ZNF570: variants seen among roughly 807,000 people sequenced by gnomAD.
ZNF570 encodes the protein zinc finger protein 570.
In ZNF570, 8 loss-of-function variants were observed where a neutral mutation model predicts 14.2. That is an observed-to-expected ratio of 0.56 (90% CI 0.33 to 1.02). ZNF570 has a LOEUF of 1.02. Ranked by LOEUF, ZNF570 falls within the 50% of genes least tolerant of loss-of-function variation. The probability of loss-of-function intolerance (pLI) is 0.03; values close to 1 mark genes in which losing one functional copy is unlikely to be tolerated. For missense variants in ZNF570, 559 were observed against 624.9 expected, an observed-to-expected ratio of 0.89 and a Z score of 1.12; for synonymous variants, 202 against 207.6, an observed-to-expected ratio of 0.97 and a Z score of 0.23.
At chr19:37,468,035 C>A, upstream of ZNF570, 1 of 1,055,518 alleles carries the variant, frequency 9.5e-7, no homozygotes, top group Non-Finnish European at 1.4e-6. Flanking sequence ...GCTGTGTCAT[C>A]TCAGACTAGG....
chr19:37,471,009 A>ATTTTTTTTTTTTTTT lies in ZNF570; in HGVS notation c.33+628_33+642dup, dbSNP rs764609936. 1.5e-3 allele frequency among the ~76,000 whole-genome samples: 124 copies of ATTTTTTTTTTTTTTT among 84,382 alleles called. 2 individuals are homozygous for ATTTTTTTTTTTTTTT. Among genetic ancestry groups the ATTTTTTTTTTTTTTT allele is most frequent in the African/African-American group, 1.7e-3 (29 of 17,360 alleles). 55.4% of individuals were successfully genotyped at this position (84,382 alleles called of 152,430 possible). On this transcript the variant is annotated intron_variant, in intron 2 of 4. Transcript: ENST00000330173. ...GCTACCATGCCTGGCCAGTGAGTAC[A>ATTTTTTTTTTTTTTT]TTTTTTTTTTTTTTTTTTTTGTTGA...
chr19:37,476,424 C>G lies in ZNF570; in HGVS notation c.246C>G (p.Gly82=). The G allele has an allele frequency of 6.2e-7, 1 of 1,613,842 alleles. No homozygotes were observed. Among genetic ancestry groups the G allele is most frequent in the Non-Finnish European group, 8.5e-7 (1 of 1,179,922 alleles). ...TGGTGAAGAGAGAGCTGACAAAAGG[C>G]TTGTGCTCAGGTTAGTGAAGAGGAA... ...PWMVKRELTK[G]LCSGWEPICE... Residue 82 remains glycine (G), a synonymous_variant, in exon 4 of 5, where the codon GGC becomes GGG. Coordinates refer to ENST00000330173, the MANE Select transcript of ZNF570 (RefSeq NM_144694.5).
chr19:37,468,272 A>AGAGATAAGGTCTC (rs2041885602), upstream of ZNF570, among the ~76,000 whole-genome samples: 1 of 151,966 alleles, frequency 6.6e-6, no homozygotes, highest in African/African-American at 2.4e-5. Context: ...GTTTGTTAGT[A>AGAGATAAGGTCTC]GAGATAAGGT....
intron 2 of ZNF570, among the ~76,000 whole-genome samples, chr19:37,472,505 C>T (rs530470787): frequency 6.6e-6 from 1 of 151,986 alleles, no homozygotes; most frequent in African/African-American, 2.4e-5. Flanking sequence ...ACTTTGGAGA[C>T]CGAGGTGGGC....
In ZNF570 at chr19:37,487,201, C is replaced by CAAAAAA. The variant is rs60321298; in HGVS notation, c.*1990_*1995dup. On this transcript the variant is annotated 3_prime_UTR_variant, in exon 5 of 5. Coordinates refer to ENST00000330173, the MANE Select transcript of ZNF570 (RefSeq NM_144694.5). ...TGGGCAATACAGCAAGACTCCATCT[C>CAAAAAA]AAAAAAAAAAAAAAAAAAAAAAAAA... 6.7e-5 allele frequency: 3 copies of CAAAAAA among 44,828 alleles called. No homozygotes were observed. Among genetic ancestry groups the CAAAAAA allele is most frequent in the Admixed American group, 3.4e-4 (1 of 2,970 alleles). The allele number at this position is 44,828 out of a possible 1,614,324, so 2.8% of individuals were successfully genotyped here.
At chr19:37,477,015 T>C (rs1568766932) in intron 4 of ZNF570, among the ~76,000 whole-genome samples, 1 of 152,028 alleles carries the variant, frequency 6.6e-6, no homozygotes, top group Non-Finnish European at 1.5e-5. Context: ...CTCTTATAAA[T>C]TTTTGAGCTC....
At position 37,485,175 on chromosome 19, in the gene ZNF570, G is replaced by T. The variant is rs750120532; in HGVS notation, c.1553G>T (p.Arg518Ile). 7.4e-5 allele frequency: 118 copies of T among 1,593,010 alleles called. 1 individual carries two copies. The highest frequency in any genetic ancestry group is 9.9e-5 in the Non-Finnish European group (116 of 1,169,588). The change falls in exon 5 of 5, where the codon AGA becomes ATA. Residue 518 changes from arginine to isoleucine, a missense_variant. By Grantham distance (97) the Arg-to-Ile change is moderately conservative (BLOSUM62 -3). Transcript: ENST00000330173. ...RQHAHLAHHQ[R>I]IHIGESLSPP... is the part of the protein sequence containing the mutation. The stretch of plus-strand genomic sequence containing the variant: ...CATGCACACCTTGCTCATCACCAGA[G>T]AATTCACATTGGGGAGTCACTGTCA...
At chr19:37,470,844 T>C (rs1234814576) in intron 2 of ZNF570, among the ~76,000 whole-genome samples, 3 of 139,708 alleles carry the variant, frequency 2.1e-5, no homozygotes, top group African/African-American at 8.1e-5. Context: ...GGACGATAGG[T>C]GTGCGCCATC....
At chr19:37,480,895 G>A (rs1395558771) in intron 4 of ZNF570, among the ~76,000 whole-genome samples, 1 of 151,382 alleles carries the variant, frequency 6.6e-6, no homozygotes, top group Non-Finnish European at 1.5e-5. Context: ...GGTACAGTGA[G>A]CTGAGAACGT....
intron 2 of ZNF570, among the ~76,000 whole-genome samples, chr19:37,473,732 G>C (rs1249519392): frequency 6.6e-6 from 1 of 152,144 alleles, no homozygotes; most frequent in African/African-American, 2.4e-5. Flanking sequence ...AAGAGGCGAG[G>C]TTGTGGGGAG....
At position 37,484,746 on chromosome 19, in the gene ZNF570, T is replaced by G; in HGVS notation, c.1124T>G (p.Val375Gly). The G allele has an allele frequency of 1.2e-6, 2 of 1,613,852 alleles. No individual in the cohort carries two copies. The highest frequency in any genetic ancestry group is 2.2e-5 in the South Asian group (2 of 91,066). The change falls in exon 5 of 5, where the codon GTA becomes GGA. Residue 375 changes from valine to glycine, a missense_variant. Coordinates refer to ENST00000330173, the MANE Select transcript of ZNF570 (RefSeq NM_144694.5). ...KAFSLRAYLTVHQRIHTGERP... is the reference protein window; with the variant it reads ...KAFSLRAYLTGHQRIHTGERP... ...TTTAGCCTTCGTGCATACCTTACTG[T>G]ACATCAGAGAATACATACTGGAGAG... is the stretch of plus-strand genomic sequence containing the variant.
At chr19:37,469,020 C>T, upstream of ZNF570, 1 of 983,838 alleles carries the variant, frequency 1.0e-6, no homozygotes, top group South Asian at 4.7e-5. Context: ...AACTCCCCGC[C>T]CTGGTTGCTA....
chr19:37,485,395 A>C lies in ZNF570; in HGVS notation c.*162A>C. 4.5e-6 allele frequency: 3 copies of C among 665,144 alleles called. No individual in the cohort carries two copies. The highest frequency in any genetic ancestry group is 1.9e-5 in the African/African-American group (1 of 53,322). The allele number at this position is 665,144 out of a possible 1,614,324, so 41.2% of individuals were successfully genotyped here. ...AATCCATTTCCCACAATGCACTCAA[A>C]CGGATCTTTTTTTTCTTTTTTTTTC... is the stretch of plus-strand genomic sequence containing the variant. On this transcript the variant is annotated 3_prime_UTR_variant, in exon 5 of 5. Coordinates refer to ENST00000330173, the MANE Select transcript of ZNF570 (RefSeq NM_144694.5).
At chr19:37,483,406 C>T (rs1319384354) in intron 4 of ZNF570, among the ~76,000 whole-genome samples, 1 of 152,178 alleles carries the variant, frequency 6.6e-6, no homozygotes, top group African/African-American at 2.4e-5. Flanking sequence ...TATCTTCTAA[C>T]ATAAAATGAA....
rs762869192 is a variant in ZNF570, at chr19:37,484,014, G to A, written c.392G>A (p.Cys131Tyr). Residue 131 changes from cysteine (C) to tyrosine (Y), a missense_variant, in exon 5 of 5, where the codon TGT becomes TAT. Transcript: ENST00000330173. ...EYSSLREEWK[C>Y]EGYFERQPGN... Reference sequence around the variant, plus strand: ...TCCAGTTTGAGAGAAGAGTGGAAATGTGAGGGCTATTTTGAAAGGCAACCA... The same window carrying A: ...TCCAGTTTGAGAGAAGAGTGGAAATATGAGGGCTATTTTGAAAGGCAACCA... The A allele has an allele frequency of 2.5e-6, 4 of 1,613,966 alleles. No homozygotes were observed. The highest frequency in any genetic ancestry group is 3.4e-6 in the Non-Finnish European group (4 of 1,180,024).
chr19:37,469,668 G>A, intron 1 of ZNF570, 111 bp downstream of exon 1: 2 of 1,160,580 alleles, frequency 1.7e-6, no homozygotes, highest in East Asian at 2.6e-5. Flanking sequence ...GAGTTGAGGC[G>A]GGAGCGGGCG....
chr19:37,468,139 T>A, upstream of ZNF570: 1 of 592,330 alleles, frequency 1.7e-6, no homozygotes, highest in South Asian at 2.1e-5. Flanking sequence ...GGCTGGAGAG[T>A]GCAGCGGCGC....
At chr19:37,468,519 G>C (rs1360137581), upstream of ZNF570, among the ~76,000 whole-genome samples, 1 of 151,042 alleles carries the variant, frequency 6.6e-6, no homozygotes, top group Non-Finnish European at 1.5e-5. Context: ...TTTTTAAGAC[G>C]GAGTCTTGCT....
In ZNF570 at chr19:37,486,157, G is replaced by A. The variant is rs947245646; in HGVS notation, c.*924G>A. On this transcript the variant is annotated 3_prime_UTR_variant, in exon 5 of 5. Transcript: ENST00000330173. ...ACTAATATTCACAGCCTTTAAAATTGTCTGCAAGGCTTTTGTTATTTGGTT... is the reference window on the plus strand; with the variant it reads ...ACTAATATTCACAGCCTTTAAAATTATCTGCAAGGCTTTTGTTATTTGGTT... 1 of 136,570 alleles carries A rather than the reference G, an allele frequency of 7.3e-6. No homozygotes were observed. Among genetic ancestry groups the A allele is most frequent in the African/African-American group, 2.8e-5 (1 of 36,276 alleles). 8.5% of individuals were successfully genotyped at this position (136,570 alleles called of 1,614,324 possible). A position where few individuals can be genotyped will look rare whatever the true frequency, so the allele number is the denominator to read the frequency against.
Sources: allele counts gnomAD v4.1 joint callset (sites outside exome capture counted in the v4.1 genomes callset), GRCh38; gene constraint gnomAD v4.1.1; transcripts MANE v1.5; gene names NCBI Gene and HGNC (gene_info 2026-07-23, HGNC 2026-07-21).